FASN: variants seen among roughly 807,000 people sequenced by gnomAD.
FASN encodes fatty acid synthase.
A neutral mutation model predicts 250.0 loss-of-function variants in FASN; 50 were observed. The ratio of observed to expected loss-of-function variants is 0.20; its 90% confidence interval spans 0.16 to 0.25. The LOEUF is 0.25. FASN is among the 10% of genes least tolerant of loss of function. The pLI, the probability that FASN is intolerant of heterozygous loss-of-function variation, is 1.00. For missense variants in FASN, 3,031 were observed against 3,498.5 expected (o/e 0.87, Z 3.37); for synonymous variants, 1,909 against 1,584.0 (o/e 1.21, Z -4.87).
At position 82,091,307 on chromosome 17, in the gene FASN, G is replaced by T; in HGVS notation, c.1407C>A (p.Gly469=). 1 of 1,610,758 alleles carries T rather than the reference G, an allele frequency of 6.2e-7. No individual in the cohort carries two copies. Residue 469 remains glycine (G), a synonymous_variant, in exon 9 of 43, where the codon GGC becomes GGA. Coordinates refer to ENST00000306749, the MANE Select transcript of FASN (RefSeq NM_004104.5). ...AVPATAMPFR[G]YAVLGGERGG... ...CGCGCTCACCACCCAGCACAGCGTA[G>T]CCACGGAAGGGCATGGCGGTGGCGG... is the stretch of plus-strand genomic sequence containing the variant.
chr17:82,093,143 C>A, intron 5 of FASN, 76 bp downstream of exon 5: 1 of 1,541,782 alleles, frequency 6.5e-7, no homozygotes, highest in Non-Finnish European at 8.8e-7. Flanking sequence ...CAGGATCCTG[C>A]TCAGCGTGGG....
chr17:82,081,426 C>A, intron 37 of FASN, 74 bp from the exon 38 acceptor site: 1 of 1,564,554 alleles, frequency 6.4e-7, no homozygotes, highest in East Asian at 2.3e-5. Flanking sequence ...GGCTGACACC[C>A]AGGGGTGCGT....
chr17:82,089,848 A>T lies in FASN; in HGVS notation c.1871-122T>A, dbSNP rs1182955149. Reference sequence around the variant, plus strand: ...ACAAGTGTGGTAATGGCAGCCTTGGAGCCTTCATGAGAAAGGTTCGCCCCC... The same window carrying T: ...ACAAGTGTGGTAATGGCAGCCTTGGTGCCTTCATGAGAAAGGTTCGCCCCC... On this transcript the variant is annotated intron_variant, in intron 11 of 42. Coordinates refer to ENST00000306749, the MANE Select transcript of FASN (RefSeq NM_004104.5). 10 of 862,450 alleles carry T rather than the reference A, an allele frequency of 1.2e-5. No homozygotes were observed. The Admixed American group carries it at 2.0e-4, about 17-fold the overall frequency. The allele number at this position is 862,450 out of a possible 1,614,324, so 53.4% of individuals were successfully genotyped here.
intron 3 of FASN, 112 bp downstream of exon 3, chr17:82,095,206 GGA>G: frequency 1.5e-6 from 2 of 1,297,590 alleles, no homozygotes; most frequent in Non-Finnish European, 2.2e-6. Context: ...GCACAGCCGG[GGA>G]GGGTAGGTGG....
rs748255121 is a variant in FASN at position 82,096,344 on chromosome 17, C to T, written c.102G>A (p.Thr34=). 1.9e-5 allele frequency: 31 copies of T among 1,612,720 alleles called. No homozygotes were observed. Among genetic ancestry groups the T allele is most frequent in the South Asian group, 8.8e-5 (8 of 91,094 alleles). The change falls in exon 2 of 43, where the codon ACG becomes ACA. Residue 34 remains threonine, a synonymous_variant. Coordinates refer to ENST00000306749, the MANE Select transcript of FASN (RefSeq NM_004104.5). ...CCGCCTTCCAGCGACGGTCATCGTC[C>T]GTGACCATGTCCACACCGCCGATGA... The part of the protein sequence containing the change: ...DNLIGGVDMV[T]DDDRRWKAGL...
Position 82,092,444 on chromosome 17 carries a change from GC to G in FASN, c.1029+10del. 6.4e-7 allele frequency: 1 copy of G among 1,562,986 alleles called. No homozygotes were observed. ...GGAGCCTGAGGGACCCCCAAGCCCA[GC>G]CCCACCTACCTTGGCCAGGGCTGCC... On this transcript the variant is annotated intron_variant, in intron 8 of 42. Coordinates refer to ENST00000306749, the MANE Select transcript of FASN (RefSeq NM_004104.5).
Position 82,084,497 on chromosome 17 carries a change from C to A in FASN, c.4768+16G>T. ...CCCCGGCCCAGTCCACTCCCACGGCCCCATGCCACCCATACCTGGGATGGC... is the reference window on the plus strand; with the variant it reads ...CCCCGGCCCAGTCCACTCCCACGGCACCATGCCACCCATACCTGGGATGGC... On this transcript the variant is annotated intron_variant, in intron 27 of 42. Transcript: ENST00000306749. The A allele has an allele frequency of 6.2e-7, 1 of 1,601,672 alleles. No individual in the cohort carries two copies. The highest frequency in any genetic ancestry group is 8.5e-7 in the Non-Finnish European group (1 of 1,174,982).
At position 82,093,434 on chromosome 17, in the gene FASN, G is replaced by A. The variant is rs1483383241; in HGVS notation, c.455-15C>T. On this transcript the variant is annotated splice_polypyrimidine_tract_variant and intron_variant, in intron 4 of 42. Transcript: ENST00000306749. ...GATGCTGGGCCCTGCAAGGAAGGGT[G>A]CTGCGGCTCAGGTGGGGCTGTGAGC... is the stretch of plus-strand genomic sequence containing the variant. The A allele has an allele frequency of 6.3e-7, 1 of 1,595,106 alleles. No homozygotes were observed. The highest frequency in any genetic ancestry group is 8.5e-7 in the Non-Finnish European group (1 of 1,173,500).
chr17:82,090,677 G>A (rs1016070801), intron 10 of FASN, 113 bp from the exon 11 acceptor site: 7 of 1,138,252 alleles, frequency 6.1e-6, no homozygotes, highest in African/African-American at 6.1e-5. Context: ...ACCCTCCCAG[G>A]TCTCCTGATA....
chr17:82,084,990 G>A (rs1286598177), intron 25 of FASN, 37 bp from the exon 26 acceptor site: 4 of 1,579,620 alleles, frequency 2.5e-6, no homozygotes, highest in Non-Finnish European at 3.4e-6. Flanking sequence ...CTGGGGATGG[G>A]GAGGCTGGTG....
chr17:82,092,408 C>T lies in FASN; in HGVS notation c.1029+47G>A, dbSNP rs189772050. ...GTGCCCAGCCATGGCGCAACCCAGT[C>T]CCAGGGAGCAGGAGCCTGAGGGACC... is the stretch of plus-strand genomic sequence containing the variant. On this transcript the variant is annotated intron_variant, in intron 8 of 42. Transcript: ENST00000306749. 2.0e-3 allele frequency: 3,014 copies of T among 1,544,594 alleles called. 5 individuals carry two copies. Among genetic ancestry groups the T allele is most frequent in the Middle Eastern group, 3.4e-3 (15 of 4,462 alleles).
Position 82,087,309 on chromosome 17 carries a change from G to A in FASN, c.3223+16C>T. The A allele has an allele frequency of 6.2e-7, 1 of 1,609,664 alleles. No individual in the cohort carries two copies. Among genetic ancestry groups the A allele is most frequent in the East Asian group, 2.2e-5 (1 of 44,780 alleles). On this transcript the variant is annotated intron_variant, in intron 20 of 42. Coordinates refer to ENST00000306749, the MANE Select transcript of FASN (RefSeq NM_004104.5). ...ACTTGGGTGGGGGCACTGGGCTGGGGCTGGGGCGGGGCTACCTTGGGCCTT... is the reference window on the plus strand; with the variant it reads ...ACTTGGGTGGGGGCACTGGGCTGGGACTGGGGCGGGGCTACCTTGGGCCTT...
At position 82,083,754 on chromosome 17, in the gene FASN, G is replaced by T. The variant is rs1250412783; in HGVS notation, c.5218+18C>A. ...GAGGCTAGGCAGGAGGCAGGTGGGGGCTGTGGGGGCCACTCACCCTTCCCG... is the reference window on the plus strand; with the variant it reads ...GAGGCTAGGCAGGAGGCAGGTGGGGTCTGTGGGGGCCACTCACCCTTCCCG... On this transcript the variant is annotated intron_variant, in intron 30 of 42. Coordinates refer to ENST00000306749, the MANE Select transcript of FASN (RefSeq NM_004104.5). 2 of 1,611,224 alleles carry T rather than the reference G, an allele frequency of 1.2e-6. No individual in the cohort carries two copies. The highest frequency in any genetic ancestry group is 1.7e-6 in the Non-Finnish European group (2 of 1,179,636).
chr17:82,089,688 C>A lies in FASN; in HGVS notation c.1909G>T (p.Gly637Cys), dbSNP rs569360175. The part of the protein sequence containing the change: ...WEECKQRCPP[G>C]VVPACHNSKD... The stretch of plus-strand genomic sequence containing the variant: ...GAGTTGTGGCAGGCGGGCACCACGC[C>A]CGGGGGGCAGCGCTGTTTACACTCC... Residue 637 changes from glycine (G) to cysteine (C), a missense_variant, in exon 12 of 43, where the codon GGC (glycine) becomes TGC (cysteine). Coordinates refer to ENST00000306749, the MANE Select transcript of FASN (RefSeq NM_004104.5). 2 of 1,590,130 alleles carry A rather than the reference C, an allele frequency of 1.3e-6. No homozygotes were observed. Among genetic ancestry groups the A allele is most frequent in the Non-Finnish European group, 1.7e-6 (2 of 1,170,398 alleles).
rs749023152 is a variant in FASN at position 82,079,131 on chromosome 17, G to A, written c.*12C>T. 1.1e-5 allele frequency: 18 copies of A among 1,608,430 alleles called. No homozygotes were observed. In the Admixed American group the frequency reaches 1.2e-4, roughly 10 times the overall value. On this transcript the variant is annotated 3_prime_UTR_variant, in exon 43 of 43. Coordinates refer to ENST00000306749, the MANE Select transcript of FASN (RefSeq NM_004104.5). ...GGTGGAGTGACCTCCGGTGGCAGGCGGGGGCACGGGCCTAGCCCTCCCGCA... is the reference window on the plus strand; with the variant it reads ...GGTGGAGTGACCTCCGGTGGCAGGCAGGGGCACGGGCCTAGCCCTCCCGCA...
At chr17:82,088,934 G>A (rs765750864) in intron 14 of FASN, 35 bp downstream of exon 14, 4 of 1,608,540 alleles carry the variant, frequency 2.5e-6, no homozygotes, top group Non-Finnish European at 2.5e-6. Context: ...CCCATCCCAG[G>A]CTCCCGGCGC....
intron 15 of FASN, 77 bp from the exon 16 acceptor site, chr17:82,088,639 G>T: frequency 6.5e-7 from 1 of 1,529,730 alleles, no homozygotes; most frequent in Non-Finnish European, 9.0e-7. Context: ...CCCACTGCCT[G>T]CGGTGGACCA....
intron 15 of FASN, 95 bp downstream of exon 15, chr17:82,088,666 C>G: frequency 6.6e-7 from 1 of 1,517,414 alleles, no homozygotes; most frequent in Non-Finnish European, 9.1e-7. Flanking sequence ...GCTGCTGCCA[C>G]CGGCCTGGGT....
chr17:82,089,651 A>G lies in FASN; in HGVS notation c.1946T>C (p.Val649Ala). Residue 649 changes from valine to alanine, a missense_variant, in exon 12 of 43, where the codon GTC (valine) becomes GCC (alanine). Coordinates refer to ENST00000306749, the MANE Select transcript of FASN (RefSeq NM_004104.5). ...VPACHNSKDT[V>A]TISGPQAPVF... is the part of the protein sequence containing the mutation. The stretch of plus-strand genomic sequence containing the variant: ...ACCCACCTGAGGTCCCGAGATGGTG[A>G]CTGTGTCCTTGGAGTTGTGGCAGGC... The G allele has an allele frequency of 6.2e-7, 1 of 1,604,142 alleles. No individual in the cohort carries two copies. The highest frequency in any genetic ancestry group is 8.5e-7 in the Non-Finnish European group (1 of 1,176,212).
Sources: allele counts gnomAD v4.1 joint callset, GRCh38; gene constraint gnomAD v4.1.1; transcripts MANE v1.5; gene names NCBI Gene and HGNC (gene_info 2026-07-23, HGNC 2026-07-21).